The following VPS13B variants were observed in gnomAD, a reference collection of about 807,000 sequenced individuals.
VPS13B encodes intermembrane lipid transfer protein VPS13B.
In VPS13B, 285 loss-of-function variants were observed where a neutral mutation model predicts 426.4. That is an observed-to-expected ratio of 0.67 (90% confidence interval 0.61 to 0.74). The LOEUF (loss-of-function observed/expected upper bound fraction) is 0.74, where lower values mean the gene tolerates loss of function less well. VPS13B is among the 30% of genes least tolerant of loss of function. The pLI, the probability that VPS13B is intolerant of heterozygous loss-of-function variation, is 0.00. For missense variants in VPS13B, 4,537 were observed against 4,782.6 expected (o/e 0.95, Z 1.51); for synonymous variants, 1,676 against 1,676.4 (o/e 1.00, Z 0.01).
At chr8:99,076,649 G>C (rs1845141280) in intron 3 of VPS13B, among the ~76,000 whole-genome samples, 1 of 132,948 alleles carries the variant, frequency 7.5e-6, no homozygotes, top group Non-Finnish European at 1.6e-5. Flanking sequence ...TTTAAAGTCT[G>C]TTTTATCTCA....
At chr8:99,664,123 C>G (rs1830355184) in intron 35 of VPS13B, among the ~76,000 whole-genome samples, 1 of 151,430 alleles carries the variant, frequency 6.6e-6, no homozygotes, top group Admixed American at 6.6e-5. Context: ...TCTCCTGCCT[C>G]AGCCTCCTGA....
intron 40 of VPS13B, among the ~76,000 whole-genome samples, chr8:99,767,259 A>G (rs910117301): frequency 3.3e-5 from 5 of 152,070 alleles, no homozygotes; most frequent in Non-Finnish European, 7.4e-5. Context: ...CAAAAAGTCT[A>G]GTCATCTTCA....
intron 25 of VPS13B, among the ~76,000 whole-genome samples, chr8:99,484,991 A>G (rs1207650366): frequency 6.6e-6 from 1 of 152,154 alleles, no homozygotes; most frequent in Non-Finnish European, 1.5e-5. Context: ...ACAGGGTACC[A>G]TTTAAACATT....
intron 23 of VPS13B, among the ~76,000 whole-genome samples, chr8:99,446,207 T>C (rs1164320420): frequency 6.6e-6 from 1 of 152,214 alleles, no homozygotes; most frequent in Non-Finnish European, 1.5e-5. Flanking sequence ...TGGCCTGATG[T>C]TAGCAAACTC....
chr8:99,197,162 A>G (rs1563596897), intron 17 of VPS13B, among the ~76,000 whole-genome samples: 1 of 152,174 alleles, frequency 6.6e-6, no homozygotes, highest in Non-Finnish European at 1.5e-5. Context: ...CTTGCATCCC[A>G]AGGATAAATA....
At chr8:99,160,650 CAAA>C (rs780385149) in intron 15 of VPS13B, among the ~76,000 whole-genome samples, 4 of 68,484 alleles carry the variant, frequency 5.8e-5, no homozygotes, top group African/African-American at 1.6e-4. Flanking sequence ...GACCCTGTCT[CAAA>C]AAAAAAAAAA....
chr8:99,103,755 T>G (rs1846892796), intron 5 of VPS13B, among the ~76,000 whole-genome samples: 1 of 152,050 alleles, frequency 6.6e-6, no homozygotes, highest in Non-Finnish European at 1.5e-5. Flanking sequence ...CGCCTCCGCC[T>G]TCCAAAGTGC....
chr8:99,632,529 A>G (rs571772820), intron 33 of VPS13B, among the ~76,000 whole-genome samples: 11 of 151,934 alleles, frequency 7.2e-5, no homozygotes, highest in Non-Finnish European at 1.5e-4. Flanking sequence ...TTTTTACCTG[A>G]TTTAGAGAAT....
chr8:99,746,517 C>G (rs371265348), intron 39 of VPS13B, among the ~76,000 whole-genome samples: 1 of 151,990 alleles, frequency 6.6e-6, no homozygotes, highest in Non-Finnish European at 1.5e-5. Flanking sequence ...AAGTTCTGTG[C>G]GCCAGAAATT....
intron 15 of VPS13B, among the ~76,000 whole-genome samples, chr8:99,164,136 A>G (rs989620921): frequency 6.6e-6 from 1 of 152,196 alleles, no homozygotes; most frequent in Non-Finnish European, 1.5e-5. Flanking sequence ...GGTCCCGGGT[A>G]GAAGTTGTTA....
intron 36 of VPS13B, among the ~76,000 whole-genome samples, chr8:99,710,836 A>T: frequency 1.4e-5 from 1 of 70,354 alleles, no homozygotes; most frequent in African/African-American, 5.6e-5. Flanking sequence ...CTAAAAATGC[A>T]AAAAAAAAAA....
At chr8:99,272,409 A>G (rs1317886746) in intron 17 of VPS13B, among the ~76,000 whole-genome samples, 3 of 152,176 alleles carry the variant, frequency 2.0e-5, no homozygotes, top group African/African-American at 7.2e-5. Flanking sequence ...TAAAGTGAAG[A>G]TAATAATAAT....
intron 30 of VPS13B, among the ~76,000 whole-genome samples, chr8:99,536,075 ATGTAGCTGGGAT>A (rs1823201443): frequency 6.6e-6 from 1 of 151,076 alleles, no homozygotes; most frequent in African/African-American, 2.4e-5. Context: ...TCAGACTCCC[ATGTAGCTGGGAT>A]TACAGGCGCA....
At chr8:99,342,546 A>T (rs1244382613) in intron 19 of VPS13B, among the ~76,000 whole-genome samples, 3 of 151,818 alleles carry the variant, frequency 2.0e-5, no homozygotes, top group African/African-American at 4.8e-5. Flanking sequence ...CTCCAGGTTC[A>T]TCTATGTTGT....
chr8:99,176,015 T>C (rs779516880), intron 16 of VPS13B, among the ~76,000 whole-genome samples: 2 of 152,246 alleles, frequency 1.3e-5, no homozygotes, highest in Non-Finnish European at 2.9e-5. Flanking sequence ...AGCATCTCCA[T>C]GTGAGCAGTC....
At chr8:99,310,467 C>T (rs1218245546) in intron 19 of VPS13B, among the ~76,000 whole-genome samples, 2 of 152,194 alleles carry the variant, frequency 1.3e-5, no homozygotes, top group East Asian at 3.9e-4. Flanking sequence ...GTCTTTGGTT[C>T]TGTTTATATA....
At chr8:99,451,019 A>T (rs1336180459) in intron 23 of VPS13B, among the ~76,000 whole-genome samples, 2 of 152,210 alleles carry the variant, frequency 1.3e-5, no homozygotes, top group Non-Finnish European at 2.9e-5. Context: ...AATAATTTAA[A>T]AAATTACTCA....
chr8:99,500,030 G>C (rs1437374478), intron 25 of VPS13B, among the ~76,000 whole-genome samples: 1 of 152,148 alleles, frequency 6.6e-6, no homozygotes, highest in African/African-American at 2.4e-5. Flanking sequence ...TAGATGGCAT[G>C]TCTGTGGTAA....
At chr8:99,438,592 G>A (rs1162980733) in intron 22 of VPS13B, among the ~76,000 whole-genome samples, 2 of 152,096 alleles carry the variant, frequency 1.3e-5, no homozygotes, top group Non-Finnish European at 2.9e-5. Context: ...TGGAAAAAGT[G>A]TGAAGATTTA....
Sources: allele counts gnomAD v4.1 joint callset (sites outside exome capture counted in the v4.1 genomes callset), GRCh38; gene constraint gnomAD v4.1.1; transcripts MANE v1.5; gene names NCBI Gene and HGNC (gene_info 2026-07-23, HGNC 2026-07-21).